PDE1A: variants seen among roughly 807,000 people sequenced by gnomAD.
PDE1A encodes the protein dual specificity calcium/calmodulin-dependent 3',5'-cyclic nucleotide phosphodiesterase 1A.
In PDE1A, 35 loss-of-function variants were observed where a neutral mutation model predicts 61.7. The observed-to-expected ratio is 0.57, with a 90% CI of 0.43 to 0.75. The LOEUF is 0.75. Ranked by LOEUF, PDE1A falls within the 30% of genes least tolerant of loss-of-function variation. The probability of loss-of-function intolerance (pLI) is 0.00; values close to 1 mark genes in which losing one functional copy is unlikely to be tolerated. For synonymous variants in PDE1A, 232 were observed against 213.2 expected (o/e 1.09, Z -0.77); for missense variants, 597 against 630.6 (o/e 0.95, Z 0.57).
intron 2 of PDE1A, among the ~76,000 whole-genome samples, chr2:182,243,963 G>T (rs778214216): frequency 6.6e-6 from 1 of 152,150 alleles, no homozygotes; most frequent in African/African-American, 2.4e-5. Context: ...TGCCTCCCGG[G>T]TTCAAGCGAT....
chr2:182,220,604 C>T (rs1688634777), intron 7 of PDE1A, among the ~76,000 whole-genome samples: 1 of 152,048 alleles, frequency 6.6e-6, no homozygotes, highest in Non-Finnish European at 1.5e-5. Flanking sequence ...TCCATGGTAA[C>T]ATGTAGCCTG....
chr2:182,427,070 T>A (rs1004902050), upstream of PDE1A: 350 of 963,214 alleles, frequency 3.6e-4, 5 homozygotes, highest in Non-Finnish European at 1.3e-4. Flanking sequence ...AACAGACTGT[T>A]CTGAGGCTCA....
Position 182,190,993 on chromosome 2 carries a change from G to GC in PDE1A, c.1126-1934dup, listed in dbSNP as rs769484013. Reference sequence around the variant, plus strand: ...AAAAAAAAATCCATAATTTAGAATAGCAACAACATGAATGCAATATGTACA... The same window carrying GC: ...AAAAAAAAATCCATAATTTAGAATAGCCAACAACATGAATGCAATATGTACA... On this transcript the variant is annotated intron_variant, in intron 10 of 13. Transcript: ENST00000351439. Among the ~76,000 whole-genome samples, 31 of 152,030 alleles carry GC rather than the reference G, an allele frequency of 2.0e-4. 1 individual carries two copies. The highest frequency in any genetic ancestry group is 1.4e-3 in the Admixed American group (21 of 15,262).
At chr2:182,239,263 C>T (rs1690309905) in intron 3 of PDE1A, among the ~76,000 whole-genome samples, 1 of 152,030 alleles carries the variant, frequency 6.6e-6, no homozygotes, top group Non-Finnish European at 1.5e-5. Context: ...TAATTTTAGG[C>T]ATATTGGCAA....
At chr2:182,428,582 T>C (rs1015318855), upstream of PDE1A, among the ~76,000 whole-genome samples, 2 of 152,138 alleles carry the variant, frequency 1.3e-5, no homozygotes, top group Non-Finnish European at 2.9e-5. Context: ...ATACTGACCA[T>C]GTATAAACAA....
chr2:182,512,055 C>T (rs1412997893), intron 2 of PDE1A, among the ~76,000 whole-genome samples: 1 of 152,184 alleles, frequency 6.6e-6, no homozygotes, highest in African/African-American at 2.4e-5. Context: ...AACCTCCTCA[C>T]ACCACCATCC....
At chr2:182,552,392 C>A in the PDE1A span, among the ~76,000 whole-genome samples, 31 of 151,194 alleles carry the variant, frequency 2.1e-4, no homozygotes, top group Non-Finnish European at 3.8e-4. Context: ...AGCTATTGTA[C>A]TGGGAACTGC....
At chr2:182,532,723 C>T in the PDE1A span, among the ~76,000 whole-genome samples, 1 of 151,806 alleles carries the variant, frequency 6.6e-6, no homozygotes, top group African/African-American at 2.4e-5. Flanking sequence ...TTTGGGAGGC[C>T]GAGGCGGGCG....
At chr2:182,461,799 T>C (rs767423848) in intron 2 of PDE1A, among the ~76,000 whole-genome samples, 5 of 152,170 alleles carry the variant, frequency 3.3e-5, no homozygotes, top group Admixed American at 6.6e-5. Context: ...ATCTCAGCTG[T>C]CCTTTCCCCT....
At chr2:182,292,485 C>T (rs1366654337) in intron 1 of PDE1A, among the ~76,000 whole-genome samples, 2 of 151,966 alleles carry the variant, frequency 1.3e-5, no homozygotes, top group Admixed American at 6.6e-5. Flanking sequence ...ATCTGTCACA[C>T]AGAATTTGAT....
At chr2:182,602,729 A>G in the PDE1A span, among the ~76,000 whole-genome samples, 90,016 of 151,996 alleles carry the variant, frequency 0.59, 27,990 homozygotes, top group African/African-American at 0.77. Flanking sequence ...GTAATTTAAA[A>G]ATAGAATAGT....
At chr2:182,675,016 T>C in the PDE1A span, among the ~76,000 whole-genome samples, 1 of 152,140 alleles carries the variant, frequency 6.6e-6, no homozygotes, top group Non-Finnish European at 1.5e-5. Flanking sequence ...GGTAAACTTG[T>C]GTCATGGGTG....
intron 13 of PDE1A, among the ~76,000 whole-genome samples, chr2:182,175,479 CTTCTT>C (rs1301054581): frequency 6.9e-6 from 1 of 145,064 alleles, no homozygotes; most frequent in African/African-American, 2.6e-5. Flanking sequence ...GCATAAATGT[CTTCTT>C]TTGAGAAGTG....
the PDE1A span, among the ~76,000 whole-genome samples, chr2:182,533,584 A>G: frequency 2.0e-5 from 3 of 152,308 alleles, no homozygotes; most frequent in Non-Finnish European, 2.9e-5. Context: ...ATCAAGATAT[A>G]GAGACTTGAA....
At chr2:182,629,653 TG>T in the PDE1A span, among the ~76,000 whole-genome samples, 1 of 152,204 alleles carries the variant, frequency 6.6e-6, no homozygotes, top group Admixed American at 6.5e-5. Context: ...ATGGTATTAA[TG>T]TGCTATTATG....
At chr2:182,485,563 A>C (rs1687967176) in intron 2 of PDE1A, among the ~76,000 whole-genome samples, 1 of 152,054 alleles carries the variant, frequency 6.6e-6, no homozygotes, top group African/African-American at 2.4e-5. Flanking sequence ...AAAGCAGTAA[A>C]ATATACCACT....
chr2:182,360,041 T>C (rs1239349697), intron 1 of PDE1A, among the ~76,000 whole-genome samples: 1 of 152,086 alleles, frequency 6.6e-6, no homozygotes, highest in Non-Finnish European at 1.5e-5. Context: ...TTTCTCCCAA[T>C]GATTATTCTA....
chr2:182,312,744 T>A lies in PDE1A; in HGVS notation c.54-48330A>T, dbSNP rs117601879. ...AATCGGGTAGTGTCAGTCTTCTAAC[T>A]TCGTTCTTCTTTTACAAATTTATTT... is the stretch of plus-strand genomic sequence containing the variant. On this transcript the variant is annotated intron_variant, in intron 1 of 13. Transcript: ENST00000351439. Among the ~76,000 whole-genome samples, 14 of 152,266 alleles carry A rather than the reference T, an allele frequency of 9.2e-5. No homozygotes were observed. In the East Asian group the frequency reaches 2.5e-3, roughly 27 times the overall value.
intron 2 of PDE1A, among the ~76,000 whole-genome samples, chr2:182,251,281 G>T (rs1171671590): frequency 2.6e-5 from 4 of 152,162 alleles, no homozygotes; most frequent in African/African-American, 9.7e-5. Context: ...ACAAAAAAAG[G>T]TTGGAATTGG....
Sources: gnomAD v4.1 joint callset for allele counts (sites outside exome capture counted in the v4.1 genomes callset) on GRCh38, gnomAD v4.1.1 for gene constraint, MANE v1.5 for transcripts, NCBI Gene and HGNC (gene_info 2026-07-23, HGNC 2026-07-21) for gene names.